The following APPL2 variants were observed in gnomAD, a reference collection of about 807,000 sequenced individuals.
The protein encoded by APPL2 is DCC-interacting protein 13-beta.
Under a neutral mutation model 92.7 loss-of-function variants are expected in APPL2, and 84 were observed. The ratio of observed to expected loss-of-function variants is 0.91; its 90% CI spans 0.76 to 1.09. The LOEUF is 1.09. Among genes scored for constraint, APPL2 ranks in the 50% least tolerant of loss-of-function variants. APPL2 has a pLI of 0.00. For synonymous variants in APPL2, 291 were observed against 291.0 expected, an observed-to-expected ratio of 1.00 and a Z score of 0.00; for missense variants, 736 against 824.5, an observed-to-expected ratio of 0.89 and a Z score of 1.31.
intron 16 of APPL2, 107 bp downstream of exon 16, chr12:105,189,665 T>G (rs1437034970): frequency 1.6e-5 from 20 of 1,254,718 alleles, no homozygotes; most frequent in Non-Finnish European, 2.3e-6. Flanking sequence ...AAATCTTAAT[T>G]CATACTCCTA....
intron 8 of APPL2, chr12:105,206,857 G>A: frequency 1.7e-6 from 1 of 572,920 alleles, no homozygotes; most frequent in Non-Finnish European, 2.9e-6. Context: ...TGAACATATG[G>A]CCTAACTTGA....
intron 14 of APPL2, among the ~76,000 whole-genome samples, chr12:105,193,552 G>A (rs529591896): frequency 1.3e-5 from 2 of 152,316 alleles, no homozygotes; most frequent in African/African-American, 4.8e-5. Flanking sequence ...CATTTACCCA[G>A]GAGAAGGCTA....
intron 9 of APPL2, among the ~76,000 whole-genome samples, chr12:105,202,498 AAC>A (rs753510582): frequency 6.6e-6 from 1 of 152,242 alleles, no homozygotes; most frequent in Non-Finnish European, 1.5e-5. Flanking sequence ...TTCTTCCAGA[AAC>A]ACAGAAGTGC....
intron 2 of APPL2, among the ~76,000 whole-genome samples, chr12:105,224,458 C>T (rs1402931329): frequency 6.6e-6 from 1 of 152,202 alleles, no homozygotes; most frequent in Non-Finnish European, 1.5e-5. Context: ...CCTCTGCTGC[C>T]ATTAATGGTG....
At chr12:105,176,122 G>T (rs1272705454) in intron 19 of APPL2, 40 bp from the exon 20 acceptor site, 6 of 1,551,098 alleles carry the variant, frequency 3.9e-6, no homozygotes, top group Non-Finnish European at 5.3e-6. Context: ...CAAAAGTAGA[G>T]AAGGATAAAA....
chr12:105,208,135 C>G, intron 6 of APPL2, 23 bp downstream of exon 6: 1 of 1,614,164 alleles, frequency 6.2e-7, no homozygotes, highest in Non-Finnish European at 8.5e-7. Flanking sequence ...CACCCACACA[C>G]CAGGAATGGA....
intron 1 of APPL2, among the ~76,000 whole-genome samples, chr12:105,234,230 C>T (rs1891102946): frequency 6.6e-6 from 1 of 152,214 alleles, no homozygotes; most frequent in Non-Finnish European, 1.5e-5. Context: ...CAAAGTTATA[C>T]ACCATGTAGA....
rs577280673 is a variant in APPL2 at position 105,203,723 on chromosome 12, G to A, written c.684C>T (p.Ser228=). Residue 228 remains serine (S), a synonymous_variant, in exon 9 of 21, where the codon TCC becomes TCT. Transcript: ENST00000258530. ...ATTACCTTTGAACCATGTCTGCAAC[G>A]GAGGATAAAAAGCTGTCCATACGTT... ...FSKRMDSFLS[S]VADMVQSIQV... is the part of the protein sequence containing the mutation. The A allele has an allele frequency of 3.5e-5, 56 of 1,614,064 alleles. No individual in the cohort carries two copies. Among genetic ancestry groups the A allele is most frequent in the Middle Eastern group, 3.3e-4 (2 of 6,084 alleles).
intron 4 of APPL2, among the ~76,000 whole-genome samples, chr12:105,214,399 C>T (rs565228806): frequency 1.3e-5 from 2 of 152,306 alleles, no homozygotes; most frequent in African/African-American, 2.4e-5. Context: ...TATTGCTTCT[C>T]GCCCTGGGTT....
chr12:105,184,136 G>C (rs1055635115), intron 17 of APPL2, among the ~76,000 whole-genome samples: 3 of 152,124 alleles, frequency 2.0e-5, no homozygotes, highest in Admixed American at 1.3e-4. Context: ...CTCTAAACTG[G>C]TTATTCCAGT....
Position 105,185,542 on chromosome 12 carries a change from G to A in APPL2, c.1634+2731C>T, listed in dbSNP as rs77110953. Among the ~76,000 whole-genome samples the A allele has an allele frequency of 3.3e-3, 494 of 151,848 alleles. 21 individuals carry two copies. The East Asian group carries it at 0.071, about 22-fold the overall frequency. ...TGTGCTTCCTGGGTAATGCAATGCC[G>A]CACGCTACTTCTGCTTGCCCTCCAT... On this transcript the variant is annotated intron_variant, in intron 17 of 20. Coordinates refer to ENST00000258530, the MANE Select transcript of APPL2 (RefSeq NM_018171.5).
chr12:105,189,770 A>G lies in APPL2; in HGVS notation c.1459+2T>C. The G allele has an allele frequency of 6.2e-7, 1 of 1,614,166 alleles. No homozygotes were observed. The highest frequency in any genetic ancestry group is 8.5e-7 in the Non-Finnish European group (1 of 1,179,994). On this transcript the variant is annotated splice_donor_variant, in intron 16 of 20. Transcript: ENST00000258530. LOFTEE classifies it high-confidence loss of function. ...AATAAGGACACCAAACTAGTCACTT[A>G]CCTTCTGCTTCTGGAAATGATTCAT...
At chr12:105,234,540 C>T (rs1891117987) in intron 1 of APPL2, among the ~76,000 whole-genome samples, 1 of 152,226 alleles carries the variant, frequency 6.6e-6, no homozygotes, top group Non-Finnish European at 1.5e-5. Flanking sequence ...GTGAGGACAA[C>T]ATCAAGAATC....
intron 4 of APPL2, among the ~76,000 whole-genome samples, chr12:105,212,835 A>C (rs1241767172): frequency 6.6e-6 from 1 of 152,220 alleles, no homozygotes; most frequent in East Asian, 1.9e-4. Context: ...CACTCTTACA[A>C]GCTTAAAGAC....
chr12:105,209,165 T>C (rs553390740), intron 5 of APPL2, among the ~76,000 whole-genome samples: 2 of 152,256 alleles, frequency 1.3e-5, no homozygotes, highest in East Asian at 3.9e-4. Context: ...TTGCGTTCTC[T>C]TCATTCAGAT....
Position 105,211,161 on chromosome 12 carries a change from G to C in APPL2, c.373+69C>G, listed in dbSNP as rs73397624. 10,258 of 1,106,750 alleles carry C rather than the reference G, an allele frequency of 9.3e-3. 237 individuals carry two copies. The highest frequency in any genetic ancestry group is 0.074 in the African/African-American group (4,774 of 64,772). The allele number at this position is 1,106,750 out of a possible 1,614,324, so 68.6% of individuals were successfully genotyped here. ...CGATCCACACATTGAAAGAAATGCA[G>C]TAAGAATTATTATGAAATGCATTAC... On this transcript the variant is annotated intron_variant, in intron 5 of 20. Transcript: ENST00000258530.
chr12:105,192,952 C>T (rs1887342917), intron 14 of APPL2, among the ~76,000 whole-genome samples: 1 of 152,176 alleles, frequency 6.6e-6, no homozygotes, highest in East Asian at 1.9e-4. Context: ...AACACAATTT[C>T]TCTGATTCTT....
chr12:105,212,368 T>A (rs1226021968), intron 4 of APPL2, among the ~76,000 whole-genome samples: 1 of 152,234 alleles, frequency 6.6e-6, no homozygotes, highest in Non-Finnish European at 1.5e-5. Flanking sequence ...ACTTTTTGCA[T>A]GCCAGCTTTA....
At chr12:105,214,597 T>A (rs763944797) in intron 4 of APPL2, among the ~76,000 whole-genome samples, 1 of 152,250 alleles carries the variant, frequency 6.6e-6, no homozygotes, top group Non-Finnish European at 1.5e-5. Flanking sequence ...GTTCTTGGCA[T>A]AGAGCTCTGA....
Sources: gnomAD v4.1 joint callset for allele counts (sites outside exome capture counted in the v4.1 genomes callset) on GRCh38, gnomAD v4.1.1 for gene constraint, MANE v1.5 for transcripts, NCBI Gene and HGNC (gene_info 2026-07-23, HGNC 2026-07-21) for gene names.